Variants in ITGA9 observed in about 807,000 individuals in gnomAD.
ITGA9 encodes the protein integrin subunit alpha 9, also known as integrin alpha-9.
In ITGA9, 56 loss-of-function variants were observed where a neutral mutation model predicts 127.8. The observed-to-expected ratio is 0.44, with a 90% CI of 0.35 to 0.55. ITGA9 has a LOEUF of 0.55. ITGA9 is among the 20% of genes least tolerant of loss of function. ITGA9 has a pLI of 0.00. For missense variants in ITGA9, 1,196 were observed against 1,347.1 expected (o/e 0.89, Z 1.76); for synonymous variants, 508 against 514.5 (o/e 0.99, Z 0.17).
In ITGA9 at chr3:37,583,111, A is replaced by G. The variant is rs560243008; in HGVS notation, c.1689+40526A>G. Among the ~76,000 whole-genome samples, 14 of 152,316 alleles carry G rather than the reference A, an allele frequency of 9.2e-5. No individual in the cohort carries two copies. In the East Asian group the frequency reaches 2.7e-3, roughly 29 times the overall value. ...AAAGTGTTAACCTATACAATTGCCA[A>G]TATTGGAAAACTGGGATACTTTGTT... On this transcript the variant is annotated intron_variant, in intron 15 of 27. Coordinates refer to ENST00000264741, the MANE Select transcript of ITGA9 (RefSeq NM_002207.3).
At chr3:37,668,299 G>A (rs904564195) in intron 17 of ITGA9, among the ~76,000 whole-genome samples, 1 of 152,262 alleles carries the variant, frequency 6.6e-6, no homozygotes, top group South Asian at 2.1e-4. Flanking sequence ...TGAGACACCC[G>A]GGAAGGCTGA....
chr3:37,777,304 T>C lies in ITGA9; in HGVS notation c.2542-88T>C. 7 of 1,462,914 alleles carry C rather than the reference T, an allele frequency of 4.8e-6. No homozygotes were observed. In the Admixed American group the frequency reaches 6.7e-5, roughly 14 times the overall value. 90.6% of individuals were successfully genotyped at this position (1,462,914 alleles called of 1,614,324 possible). A position where few individuals can be genotyped will look rare whatever the true frequency, so the allele number is the denominator to read the frequency against. On this transcript the variant is annotated intron_variant, in intron 23 of 27. Coordinates refer to ENST00000264741, the MANE Select transcript of ITGA9 (RefSeq NM_002207.3). ...AAGGAGGAAAGGTGAATTGGGGTTC[T>C]ACCACTCCTGCCTCTACAATAAGAG...
chr3:37,749,587 T>G (rs1398157630), intron 22 of ITGA9: 1 of 152,302 alleles, frequency 6.6e-6, no homozygotes, highest in Non-Finnish European at 1.5e-5. Context: ...CATGTTCAGC[T>G]TTTTCCTCTC....
chr3:37,625,656 C>T (rs977201574), intron 15 of ITGA9, among the ~76,000 whole-genome samples: 1 of 152,170 alleles, frequency 6.6e-6, no homozygotes, highest in African/African-American at 2.4e-5. Context: ...TGTGCCAGAG[C>T]CCTAAGCCTC....
At chr3:37,705,459 G>A (rs556260948) in intron 18 of ITGA9, among the ~76,000 whole-genome samples, 1 of 152,276 alleles carries the variant, frequency 6.6e-6, no homozygotes, top group East Asian at 1.9e-4. Context: ...AAGTCACAAG[G>A]CCAAATGGCA....
chr3:37,810,565 G>A (rs1394919840), intron 27 of ITGA9, among the ~76,000 whole-genome samples: 4 of 152,078 alleles, frequency 2.6e-5, no homozygotes, highest in African/African-American at 7.2e-5. Context: ...ATAGGTGTGC[G>A]CCACCATGCC....
chr3:37,547,675 G>T (rs1437537026), intron 15 of ITGA9, among the ~76,000 whole-genome samples: 1 of 152,104 alleles, frequency 6.6e-6, no homozygotes, highest in Non-Finnish European at 1.5e-5. Context: ...AAAATAACAT[G>T]CTAAATCTCC....
intron 16 of ITGA9, among the ~76,000 whole-genome samples, chr3:37,650,249 C>T (rs1700416978): frequency 2.0e-5 from 3 of 152,146 alleles, no homozygotes; most frequent in Admixed American, 1.3e-4. Flanking sequence ...AGCCAAAAGT[C>T]CACCCAGATT....
At chr3:37,648,774 T>C (rs1046981027) in intron 16 of ITGA9, among the ~76,000 whole-genome samples, 9 of 152,096 alleles carry the variant, frequency 5.9e-5, no homozygotes, top group Admixed American at 2.0e-4. Context: ...AAGGTAAGTA[T>C]ATGGACAAAA....
intron 26 of ITGA9, chr3:37,789,871 CAGGATGA>C (rs1697087783): frequency 2.2e-6 from 1 of 464,676 alleles, no homozygotes; most frequent in Non-Finnish European, 3.7e-6. Context: ...AGAAAATAGT[CAGGATGA>C]GGGATGAGGA....
chr3:37,741,797 G>A lies in ITGA9; in HGVS notation c.2302G>A (p.Glu768Lys), dbSNP rs1575216213. 1.2e-6 allele frequency: 2 copies of A among 1,613,598 alleles called. No individual in the cohort carries two copies. The highest frequency in any genetic ancestry group is 1.1e-5 in the South Asian group (1 of 90,870). Residue 768 changes from glutamate (E) to lysine (K), a missense_variant, in exon 21 of 28, where the codon GAG becomes AAG. Physicochemically the swap from Glu to Lys is moderately conservative, Grantham distance 56. Transcript: ENST00000264741. ...CGTGCTGATGGTGCCACTGATGCAC[G>A]AGGTGGACACGTCCATCACCGGGTG... Reference protein sequence around the residue: ...TLVLMVPLMHEVDTSITGIMS... With the variant: ...TLVLMVPLMHKVDTSITGIMS...
intron 3 of ITGA9, among the ~76,000 whole-genome samples, chr3:37,474,676 T>G (rs552841442): frequency 3.3e-5 from 5 of 152,340 alleles, no homozygotes; most frequent in African/African-American, 1.2e-4. Flanking sequence ...TGCCCTTGAC[T>G]TTTATCAGAA....
intron 17 of ITGA9, among the ~76,000 whole-genome samples, chr3:37,657,071 T>G (rs773345277): frequency 1.3e-5 from 2 of 152,214 alleles, no homozygotes. Flanking sequence ...AACTTTTTGA[T>G]GTGCGGCTGG....
intron 15 of ITGA9, among the ~76,000 whole-genome samples, chr3:37,593,224 A>C (rs1454977330): frequency 6.6e-6 from 1 of 152,226 alleles, no homozygotes; most frequent in African/African-American, 2.4e-5. Context: ...TATACTTTAA[A>C]TTATCTCTAG....
chr3:37,475,964 G>A (rs1004931233), intron 3 of ITGA9, among the ~76,000 whole-genome samples: 5 of 152,168 alleles, frequency 3.3e-5, no homozygotes, highest in Non-Finnish European at 5.9e-5. Flanking sequence ...CTTTTGTGAC[G>A]AACTTACTTC....
chr3:37,485,863 G>T (rs530388456), intron 4 of ITGA9, among the ~76,000 whole-genome samples: 1 of 152,308 alleles, frequency 6.6e-6, no homozygotes, highest in African/African-American at 2.4e-5. Context: ...ATATCCTTCA[G>T]TCAGTTTAGT....
chr3:37,619,856 T>C (rs991473515), intron 15 of ITGA9, among the ~76,000 whole-genome samples: 4 of 152,118 alleles, frequency 2.6e-5, no homozygotes, highest in African/African-American at 9.7e-5. Context: ...TTTTGCTGCT[T>C]CTAGTCTCTT....
chr3:37,744,082 G>A (rs1478807456), intron 22 of ITGA9, 48 bp downstream of exon 22: 7 of 1,238,446 alleles, frequency 5.7e-6, no homozygotes, highest in African/African-American at 1.5e-5. Context: ...TAACGGAAGG[G>A]CACATGGGAT....
chr3:37,787,685 C>T (rs1253322807), intron 26 of ITGA9, among the ~76,000 whole-genome samples: 1 of 152,206 alleles, frequency 6.6e-6, no homozygotes, highest in Non-Finnish European at 1.5e-5. Context: ...CAAACACGAT[C>T]TTCCCTGCGT....
Sources: allele counts gnomAD v4.1 joint callset (sites outside exome capture counted in the v4.1 genomes callset), GRCh38; gene constraint gnomAD v4.1.1; transcripts MANE v1.5; gene names NCBI Gene and HGNC (gene_info 2026-07-23, HGNC 2026-07-21).